Variants in CDKAL1 observed in about 807,000 individuals in gnomAD.
CDKAL1 encodes the protein CDKAL1 threonylcarbamoyladenosine tRNA methylthiotransferase.
CDKAL1 carries 32 observed loss-of-function variants against 68.2 expected under a neutral mutation model. That is an observed-to-expected ratio of 0.47 (90% CI 0.35 to 0.63). CDKAL1 has a LOEUF of 0.63. Among genes scored for constraint, CDKAL1 ranks in the 30% least tolerant of loss-of-function variants. The probability of loss-of-function intolerance (pLI) is 0.00; values close to 1 mark genes in which losing one functional copy is unlikely to be tolerated. For missense variants in CDKAL1, 606 were observed against 696.7 expected (o/e 0.87, Z 1.47); for synonymous variants, 234 against 244.3 (o/e 0.96, Z 0.39).
intron 4 of CDKAL1, among the ~76,000 whole-genome samples, chr6:20,590,107 T>A (rs1336003477): frequency 6.6e-6 from 1 of 152,218 alleles, no homozygotes; most frequent in Admixed American, 6.5e-5. Flanking sequence ...GGCTGCTTAT[T>A]GTATTGTACT....
intron 9 of CDKAL1, among the ~76,000 whole-genome samples, chr6:20,857,894 C>T (rs953863451): frequency 9.2e-5 from 14 of 152,272 alleles, no homozygotes; most frequent in African/African-American, 3.1e-4. Context: ...AAGTCTCGCT[C>T]TGTCGCCCAG....
At chr6:20,898,357 T>G (rs1018022974) in intron 9 of CDKAL1, among the ~76,000 whole-genome samples, 10 of 150,166 alleles carry the variant, frequency 6.7e-5, no homozygotes, top group African/African-American at 2.5e-4. Context: ...CATTGGGAAT[T>G]CTCGTTCTTG....
chr6:20,995,939 A>G (rs940141569), intron 10 of CDKAL1, among the ~76,000 whole-genome samples: 5 of 152,234 alleles, frequency 3.3e-5, no homozygotes, highest in African/African-American at 7.2e-5. Context: ...TGCCATAGCC[A>G]TCTTCATCAG....
intron 2 of CDKAL1, among the ~76,000 whole-genome samples, chr6:20,543,579 A>T (rs1314832584): frequency 6.6e-6 from 1 of 152,064 alleles, no homozygotes; most frequent in Non-Finnish European, 1.5e-5. Flanking sequence ...CTTAAAGCAA[A>T]AGTTTTAAAT....
chr6:21,017,818 C>T (rs925203689), intron 11 of CDKAL1, among the ~76,000 whole-genome samples: 8 of 151,922 alleles, frequency 5.3e-5, no homozygotes, highest in African/African-American at 1.9e-4. Context: ...AAAAATTGTT[C>T]TTAATTTTCT....
At chr6:21,200,025 T>G (rs1778626235) in intron 14 of CDKAL1, among the ~76,000 whole-genome samples, 1 of 152,250 alleles carries the variant, frequency 6.6e-6, no homozygotes, top group Admixed American at 6.5e-5. Flanking sequence ...TAGGAATTAT[T>G]TTTCTAAATA....
At chr6:21,100,857 T>C (rs1773545878) in intron 12 of CDKAL1, among the ~76,000 whole-genome samples, 1 of 152,198 alleles carries the variant, frequency 6.6e-6, no homozygotes, top group South Asian at 2.1e-4. Flanking sequence ...ATATGTATAA[T>C]ATAAAGTGAG....
At chr6:20,987,797 T>G (rs972819861) in intron 10 of CDKAL1, among the ~76,000 whole-genome samples, 5 of 152,142 alleles carry the variant, frequency 3.3e-5, no homozygotes, top group African/African-American at 9.7e-5. Context: ...TTTATTTTTT[T>G]GGGACAGGGT....
intron 10 of CDKAL1, among the ~76,000 whole-genome samples, chr6:20,960,837 T>A (rs1765021727): frequency 6.6e-6 from 1 of 152,232 alleles, no homozygotes; most frequent in African/African-American, 2.4e-5. Context: ...TGCGTTATGT[T>A]TATTTGCCCA....
chr6:20,931,142 C>T (rs1581853579), intron 9 of CDKAL1, among the ~76,000 whole-genome samples: 2 of 152,202 alleles, frequency 1.3e-5, no homozygotes, highest in East Asian at 3.8e-4. Flanking sequence ...AGAATTCTAA[C>T]CCAGACTGAC....
intron 8 of CDKAL1, among the ~76,000 whole-genome samples, chr6:20,843,453 T>G (rs184339389): frequency 6.6e-6 from 1 of 152,194 alleles, no homozygotes; most frequent in African/African-American, 2.4e-5. Context: ...TAAGGGATTT[T>G]GAATTTTTTT....
rs60342057 is a variant in CDKAL1, at chr6:21,069,804, T to TTTAAA, written c.1236+4576_1236+4577insTTAAA. On this transcript the variant is annotated intron_variant, in intron 12 of 15. Coordinates refer to ENST00000274695, the MANE Select transcript of CDKAL1 (RefSeq NM_017774.3). ...TTTTTTTTTTTTTTTTTTTTTTTTTTAAAACAGAGCCTTGCTCTGTCACCC... is the reference window on the plus strand; with the variant it reads ...TTTTTTTTTTTTTTTTTTTTTTTTTTTTAAAAAAACAGAGCCTTGCTCTGTCACCC... Among the ~76,000 whole-genome samples the TTTAAA allele has an allele frequency of 1.6e-3, 141 of 85,496 alleles. 10 individuals are homozygous for TTTAAA. The highest frequency in any genetic ancestry group is 6.1e-3 in the East Asian group (15 of 2,466). 56.1% of individuals were successfully genotyped at this position (85,496 alleles called of 152,430 possible).
chr6:20,775,255 CT>C (rs1223541632), intron 7 of CDKAL1, among the ~76,000 whole-genome samples: 5 of 152,152 alleles, frequency 3.3e-5, no homozygotes, highest in African/African-American at 1.2e-4. Flanking sequence ...ATATTTCCTC[CT>C]TTAATTTCTT....
intron 9 of CDKAL1, among the ~76,000 whole-genome samples, chr6:20,949,691 C>A (rs1407939384): frequency 6.6e-6 from 1 of 151,524 alleles, no homozygotes; most frequent in African/African-American, 2.4e-5. Flanking sequence ...GGAAGACAAA[C>A]CAATAATTAT....
chr6:21,087,013 A>G (rs1772729535), intron 12 of CDKAL1, among the ~76,000 whole-genome samples: 1 of 152,180 alleles, frequency 6.6e-6, no homozygotes, highest in Non-Finnish European at 1.5e-5. Flanking sequence ...TCTCTTGTTT[A>G]TTAATTAGTA....
intron 11 of CDKAL1, among the ~76,000 whole-genome samples, chr6:21,047,188 C>A (rs1770287648): frequency 6.6e-6 from 1 of 151,746 alleles, no homozygotes; most frequent in African/African-American, 2.4e-5. Flanking sequence ...GTAGCTAGGA[C>A]TACAGGTGTG....
intron 9 of CDKAL1, among the ~76,000 whole-genome samples, chr6:20,861,360 A>C (rs1759618551): frequency 6.6e-6 from 1 of 152,192 alleles, no homozygotes; most frequent in African/African-American, 2.4e-5. Flanking sequence ...TGCCACTTGG[A>C]GTGCTGGATT....
intron 8 of CDKAL1, among the ~76,000 whole-genome samples, chr6:20,819,539 C>T (rs1332374284): frequency 2.6e-5 from 4 of 152,048 alleles, no homozygotes; most frequent in East Asian, 2.0e-4. Flanking sequence ...CTGAACTTTA[C>T]GTCACACCTT....
rs540203189 is a variant in CDKAL1, at chr6:20,980,439, G to A, written c.910-19788G>A. ...TTTTTAGTAGAGACAGGGTTTCACC[G>A]TGTTAGCCAGGATGGTTTCAATCTC... is the stretch of plus-strand genomic sequence containing the variant. On this transcript the variant is annotated intron_variant, in intron 10 of 15. Transcript: ENST00000274695. Among the ~76,000 whole-genome samples, 312 of 152,008 alleles carry A rather than the reference G, an allele frequency of 2.1e-3. 3 individuals are homozygous for A. The highest frequency in any genetic ancestry group is 7.0e-3 in the African/African-American group (292 of 41,484).
Sources: gnomAD v4.1 joint callset for allele counts (sites outside exome capture counted in the v4.1 genomes callset) on GRCh38, gnomAD v4.1.1 for gene constraint, MANE v1.5 for transcripts, NCBI Gene and HGNC (gene_info 2026-07-23, HGNC 2026-07-21) for gene names.